The following PRCC variants were observed in gnomAD, a reference collection of about 807,000 sequenced individuals.
The protein encoded by PRCC is proline-rich protein PRCC.
PRCC carries 10 observed loss-of-function variants against 44.0 expected under a neutral mutation model. That is an observed-to-expected ratio of 0.23 (90% CI 0.14 to 0.39). PRCC has a LOEUF of 0.39. Among genes scored for constraint, PRCC ranks in the 10% least tolerant of loss-of-function variants. The pLI is 1.00. For missense variants in PRCC, 573 were observed against 624.7 expected, an observed-to-expected ratio of 0.92 and a Z score of 0.88; for synonymous variants, 278 against 259.5, an observed-to-expected ratio of 1.07 and a Z score of -0.69.
chr1:156,773,740 A>G (rs1651716767), intron 1 of PRCC, among the ~76,000 whole-genome samples: 1 of 152,148 alleles, frequency 6.6e-6, no homozygotes, highest in African/African-American at 2.4e-5. Flanking sequence ...ATGATGATCC[A>G]CCAATTTCAC....
intron 6 of PRCC, 64 bp downstream of exon 6, chr1:156,797,405 G>T: frequency 6.3e-7 from 1 of 1,587,470 alleles, no homozygotes; most frequent in South Asian, 1.1e-5. Context: ...TTTGAAGGCT[G>T]AGATACGAGT....
In PRCC at chr1:156,800,629, G is replaced by C. The variant is rs1652804249; in HGVS notation, c.*169G>C. The C allele has an allele frequency of 3.1e-6, 2 of 655,738 alleles. No homozygotes were observed. Among genetic ancestry groups the C allele is most frequent in the Non-Finnish European group, 5.2e-6 (2 of 384,328 alleles). 40.6% of individuals were successfully genotyped at this position (655,738 alleles called of 1,614,324 possible). On this transcript the variant is annotated 3_prime_UTR_variant, in exon 7 of 7. Transcript: ENST00000271526. ...TTGATAGATTTTTCTTAACAAGTTA[G>C]AAAATTCAGCTCCTTTCTGTCCTGG...
chr1:156,775,415 A>G (rs113407500), intron 1 of PRCC, among the ~76,000 whole-genome samples: 1,523 of 151,510 alleles, frequency 0.01, 33 homozygotes, highest in African/African-American at 0.035. Context: ...TAGTGGCACA[A>G]TCTTAGCTTA....
chr1:156,778,922 C>T (rs575076584), intron 1 of PRCC, among the ~76,000 whole-genome samples: 1 of 150,990 alleles, frequency 6.6e-6, no homozygotes, highest in African/African-American at 2.4e-5. Context: ...ACCTTAGCCT[C>T]CCGAGTAGCT....
intron 4 of PRCC, 30 bp downstream of exon 4, chr1:156,791,822 T>C (rs200847804): frequency 1.3e-6 from 2 of 1,582,386 alleles, no homozygotes; most frequent in African/African-American, 2.7e-5. Context: ...GTGACCATCT[T>C]TGACCGCTGG....
At chr1:156,774,134 GTTTC>G (rs144113597) in intron 1 of PRCC, among the ~76,000 whole-genome samples, 3,211 of 100,168 alleles carry the variant, frequency 0.032, 173 homozygotes, top group African/African-American at 0.11. Flanking sequence ...TGGGTGCGGA[GTTTC>G]TTTCTTTTTT....
chr1:156,770,528 C>G (rs1323911798), intron 1 of PRCC, among the ~76,000 whole-genome samples: 1 of 152,254 alleles, frequency 6.6e-6, no homozygotes, highest in East Asian at 1.9e-4. Context: ...GCATGTGCCA[C>G]CACGCCCAGC....
rs1225215970 is a variant in PRCC at position 156,785,339 on chromosome 1, G to A, written c.517-1269G>A. Among the ~76,000 whole-genome samples, 9 of 151,932 alleles carry A rather than the reference G, an allele frequency of 5.9e-5. No individual in the cohort carries two copies. In the South Asian group the frequency reaches 6.2e-4, roughly 11 times the overall value. On this transcript the variant is annotated intron_variant, in intron 2 of 6. Transcript: ENST00000271526. ...AGCCTGGCCAAGATGGTAAAACCCC[G>A]TCTCTACTAAAAATACAAAAATTAG...
At chr1:156,782,373 A>G (rs762662024) in intron 2 of PRCC, 44 bp downstream of exon 2, 7 of 1,523,522 alleles carry the variant, frequency 4.6e-6, no homozygotes, top group Non-Finnish European at 6.3e-6. Flanking sequence ...TTCCTGTATT[A>G]TTTCCTCAAA....
chr1:156,791,584 G>T, intron 3 of PRCC, 113 bp from the exon 4 acceptor site: 1 of 909,478 alleles, frequency 1.1e-6, no homozygotes. Context: ...CTGTAGTATA[G>T]CTATCTCACC....
intron 4 of PRCC, among the ~76,000 whole-genome samples, chr1:156,793,983 G>A (rs1397653786): frequency 1.7e-5 from 2 of 119,648 alleles, no homozygotes; most frequent in African/African-American, 6.5e-5. Flanking sequence ...TGGAGACAGA[G>A]TTTCACTCTT....
At chr1:156,791,647 C>G in intron 3 of PRCC, 50 bp from the exon 4 acceptor site, 2 of 1,550,156 alleles carry the variant, frequency 1.3e-6, no homozygotes, top group Non-Finnish European at 1.8e-6. Context: ...ACCTTCCCCT[C>G]TCCAACTGTG....
At position 156,767,795 on chromosome 1, in the gene PRCC, C is replaced by T. The variant is rs1405512602; in HGVS notation, c.24C>T (p.Ser8=). MSLVAYA[S]SDESEPDEAE... ...CCATGTCGCTGGTTGCTTACGCCAG[C>T]AGCGATGAGAGCGAGCCGGATGAGG... The change falls in exon 1 of 7, where the codon AGC becomes AGT. Residue 8 remains serine (S), a synonymous_variant. Coordinates refer to ENST00000271526, the MANE Select transcript of PRCC (RefSeq NM_005973.5). The T allele has an allele frequency of 1.2e-6, 2 of 1,607,934 alleles. No homozygotes were observed. Among genetic ancestry groups the T allele is most frequent in the South Asian group, 1.1e-5 (1 of 89,910 alleles).
At chr1:156,791,225 G>A (rs932963551) in intron 3 of PRCC, 2 of 1,172,064 alleles carry the variant, frequency 1.7e-6, no homozygotes, top group East Asian at 3.5e-5. Context: ...CTCCCCACCC[G>A]GTTTAGACTG....
At chr1:156,786,166 G>T (rs568599085) in intron 2 of PRCC, among the ~76,000 whole-genome samples, 1 of 152,304 alleles carries the variant, frequency 6.6e-6, no homozygotes, top group South Asian at 2.1e-4. Flanking sequence ...CCTTGTTCTT[G>T]ATTTTGGGTA....
intron 2 of PRCC, among the ~76,000 whole-genome samples, chr1:156,785,607 GA>G (rs1652214377): frequency 6.6e-6 from 1 of 150,464 alleles, no homozygotes; most frequent in Non-Finnish European, 1.5e-5. Flanking sequence ...AAAAAAAAGA[GA>G]AAGGAAATCC....
At position 156,786,905 on chromosome 1, in the gene PRCC, G is replaced by A; in HGVS notation, c.814G>A (p.Ala272Thr). Reference protein sequence around the residue: ...QEEDDSDEEVAPENFFSLPEK... With the variant: ...QEEDDSDEEVTPENFFSLPEK... ...AGAAGACGACAGTGATGAGGAAGTAGCCCCCGAAAACTTTTTCTCCCTCCC... is the reference window on the plus strand; with the variant it reads ...AGAAGACGACAGTGATGAGGAAGTAACCCCCGAAAACTTTTTCTCCCTCCC... The change falls in exon 3 of 7, where the codon GCC (alanine) becomes ACC (threonine). Residue 272 changes from alanine (A) to threonine (T), a missense_variant. By Grantham distance (58) the Ala-to-Thr change is moderately conservative. This residue lies in a region of PRCC where 118 missense variants were observed against 166.7 expected (regional missense o/e 0.71). Coordinates refer to ENST00000271526, the MANE Select transcript of PRCC (RefSeq NM_005973.5). 1 of 1,614,200 alleles carries A rather than the reference G, an allele frequency of 6.2e-7. No homozygotes were observed.
At position 156,797,269 on chromosome 1, in the gene PRCC, C is replaced by T; in HGVS notation, c.1324-7C>T. 1 of 1,614,044 alleles carries T rather than the reference C, an allele frequency of 6.2e-7. No individual in the cohort carries two copies. The highest frequency in any genetic ancestry group is 1.3e-5 in the African/African-American group (1 of 75,034). ...TGGATTAATGAATATGTTTTCTTCT[C>T]TTGCAGAAGAAAGGTGAGCAGCCAA... On this transcript the variant is annotated splice_region_variant and splice_polypyrimidine_tract_variant and intron_variant, in intron 5 of 6. Transcript: ENST00000271526.
intron 1 of PRCC, among the ~76,000 whole-genome samples, chr1:156,770,069 T>A (rs1379315954): frequency 6.6e-6 from 1 of 152,192 alleles, no homozygotes; most frequent in Non-Finnish European, 1.5e-5. Flanking sequence ...ACAGTCTACA[T>A]GGACATGGAA....
Sources: gnomAD v4.1 joint callset for allele counts (sites outside exome capture counted in the v4.1 genomes callset) on GRCh38, gnomAD v4.1.1 for gene constraint, gnomAD v4.1.1 regional missense constraint, MANE v1.5 for transcripts, NCBI Gene and HGNC (gene_info 2026-07-23, HGNC 2026-07-21) for gene names.